PCDHA10: variants seen among roughly 807,000 people sequenced by gnomAD.
PCDHA10 encodes the protein protocadherin alpha 10, also known as protocadherin alpha-10.
PCDHA10 carries 45 observed loss-of-function variants against 61.2 expected under a neutral mutation model. The ratio of observed to expected loss-of-function variants is 0.74; its 90% CI spans 0.58 to 0.94. The LOEUF (loss-of-function observed/expected upper bound fraction) is 0.94. PCDHA10 is among the 40% of genes least tolerant of loss of function. The pLI, the probability that PCDHA10 is intolerant of heterozygous loss-of-function variation, is 0.00. For synonymous variants in PCDHA10, 602 were observed against 548.8 expected (o/e 1.10, Z -1.35); for missense variants, 1,278 against 1,236.2 (o/e 1.03, Z -0.51).
intron 1 of PCDHA10, among the ~76,000 whole-genome samples, chr5:140,881,030 A>G (rs959156727): frequency 6.6e-6 from 1 of 152,234 alleles, no homozygotes; most frequent in Non-Finnish European, 1.5e-5. Flanking sequence ...CCCAACAGTC[A>G]TTTCCTATAG....
chr5:140,923,033 A>T (rs6895136), intron 1 of PCDHA10, among the ~76,000 whole-genome samples: 8,640 of 152,308 alleles, frequency 0.057, 727 homozygotes, highest in African/African-American at 0.19. Flanking sequence ...CTCTATTACT[A>T]CATGTATAGT....
At chr5:140,896,811 T>G (rs2065758053) in intron 1 of PCDHA10, among the ~76,000 whole-genome samples, 1 of 152,266 alleles carries the variant, frequency 6.6e-6, no homozygotes, top group African/African-American at 2.4e-5. Flanking sequence ...GGTTGTCTGT[T>G]TACTCTGTTC....
At chr5:140,999,592 C>T (rs1443096475) in intron 3 of PCDHA10, among the ~76,000 whole-genome samples, 2 of 152,114 alleles carry the variant, frequency 1.3e-5, no homozygotes, top group Non-Finnish European at 2.9e-5. Flanking sequence ...ATTGCCTTCC[C>T]TACATCCTGG....
chr5:140,955,951 T>C (rs529805581), intron 1 of PCDHA10, among the ~76,000 whole-genome samples: 12 of 152,248 alleles, frequency 7.9e-5, no homozygotes, highest in South Asian at 2.1e-4. Context: ...GTCTACTTGC[T>C]TGTTGTTTGT....
At chr5:140,907,197 A>G (rs2073229380) in intron 1 of PCDHA10, among the ~76,000 whole-genome samples, 1 of 152,166 alleles carries the variant, frequency 6.6e-6, no homozygotes, top group Non-Finnish European at 1.5e-5. Context: ...AACCTTCTGG[A>G]GAATTTTGCC....
intron 1 of PCDHA10, among the ~76,000 whole-genome samples, chr5:140,976,227 T>C (rs2096706900): frequency 6.6e-6 from 1 of 152,050 alleles, no homozygotes; most frequent in East Asian, 1.9e-4. Context: ...AGAAGAAAAA[T>C]ATATGTCATT....
At chr5:140,996,755 C>T (rs1335663800) in intron 3 of PCDHA10, among the ~76,000 whole-genome samples, 2 of 152,142 alleles carry the variant, frequency 1.3e-5, no homozygotes, top group Non-Finnish European at 2.9e-5. Context: ...TATATCTGTG[C>T]AGGACTAAAA....
intron 1 of PCDHA10, among the ~76,000 whole-genome samples, chr5:140,897,000 T>C (rs2065833068): frequency 6.6e-6 from 1 of 152,180 alleles, no homozygotes; most frequent in Non-Finnish European, 1.5e-5. Context: ...CTTTTAGTTA[T>C]TTTTAAATAT....
chr5:140,928,161 C>T (rs155820), intron 1 of PCDHA10: 1 of 1,613,960 alleles, frequency 6.2e-7, no homozygotes, highest in South Asian at 1.1e-5. Context: ...GTGGCTCACC[C>T]CCACTTAGCA....
At chr5:140,944,354 A>G (rs2093646021) in intron 1 of PCDHA10, among the ~76,000 whole-genome samples, 1 of 151,968 alleles carries the variant, frequency 6.6e-6, no homozygotes, top group South Asian at 2.1e-4. Flanking sequence ...CACCTGGCTA[A>G]TTTTTAATTT....
chr5:140,962,155 G>A (rs977043867), intron 1 of PCDHA10, among the ~76,000 whole-genome samples: 8 of 152,060 alleles, frequency 5.3e-5, no homozygotes, highest in South Asian at 2.1e-4. Flanking sequence ...GATTACAGGC[G>A]TGAGCCACCA....
rs35680913 is a variant in PCDHA10 at position 140,961,887 on chromosome 5, GT to G, written c.2389-17048del. Among the ~76,000 whole-genome samples, 881 of 143,912 alleles carry G rather than the reference GT, an allele frequency of 6.1e-3. 6 individuals carry two copies. The highest frequency in any genetic ancestry group is 0.018 in the African/African-American group (705 of 39,388). The allele number at this position is 143,912 out of a possible 152,430, so 94.4% of individuals were successfully genotyped here. ...ACAGATAATTGACTTACTTACATCA[GT>G]TTTTTTTTTTTTTGAGATGGAGTCT... On this transcript the variant is annotated intron_variant, in intron 1 of 3. Coordinates refer to ENST00000307360, the MANE Select transcript of PCDHA10 (RefSeq NM_018901.4).
At chr5:140,859,744 T>C (rs1554152696) in intron 1 of PCDHA10, 2 of 154,298 alleles carry the variant, frequency 1.3e-5, no homozygotes, top group African/African-American at 2.4e-5. Context: ...AAGCATGGCA[T>C]TCTTTCAGTG....
At chr5:140,872,266 T>C (rs1267974541) in intron 1 of PCDHA10, among the ~76,000 whole-genome samples, 2 of 152,208 alleles carry the variant, frequency 1.3e-5, no homozygotes, top group Non-Finnish European at 2.9e-5. Context: ...GTTTTCATAT[T>C]GTTTGAAGAA....
intron 1 of PCDHA10, chr5:140,860,707 T>G (rs914346962): frequency 6.6e-6 from 1 of 152,220 alleles, no homozygotes; most frequent in Non-Finnish European, 1.5e-5. Context: ...ATTGTTGTTC[T>G]CCATGAAAAG....
In PCDHA10 at chr5:140,857,647, G is replaced by T; in HGVS notation, c.1599G>T (p.Gln533His). 6.3e-7 allele frequency: 1 copy of T among 1,596,858 alleles called. No homozygotes were observed. The highest frequency in any genetic ancestry group is 8.6e-7 in the Non-Finnish European group (1 of 1,167,786). ...AGGAGCTGGAGCTGCTACAGTTCCA[G>T]GTGAGCGCGCGCGATGGGGGCGTGC... The part of the protein sequence containing the change: ...DHEELELLQF[Q>H]VSARDGGVPP... The change falls in exon 1 of 4, where the codon CAG (glutamine) becomes CAT (histidine). Residue 533 changes from glutamine to histidine, a missense_variant. Physicochemically the swap from Gln to His is conservative, Grantham distance 24. Transcript: ENST00000307360.
At chr5:140,906,017 C>G (rs1172988114) in intron 1 of PCDHA10, among the ~76,000 whole-genome samples, 2 of 152,188 alleles carry the variant, frequency 1.3e-5, no homozygotes, top group African/African-American at 2.4e-5. Flanking sequence ...AGTCTAATCT[C>G]TCCACGTTCT....
At chr5:140,880,764 G>T (rs1438457004) in intron 1 of PCDHA10, among the ~76,000 whole-genome samples, 1 of 152,198 alleles carries the variant, frequency 6.6e-6, no homozygotes, top group Non-Finnish European at 1.5e-5. Context: ...GCGTGTTGGA[G>T]GCTAAAAAGA....
At chr5:140,873,086 C>G (rs984385666) in intron 1 of PCDHA10, among the ~76,000 whole-genome samples, 1 of 152,122 alleles carries the variant, frequency 6.6e-6, no homozygotes, top group Non-Finnish European at 1.5e-5. Context: ...ATTTCCCCCC[C>G]GTATAGAGGC....
Sources: gnomAD v4.1 joint callset for allele counts (sites outside exome capture counted in the v4.1 genomes callset) on GRCh38, gnomAD v4.1.1 for gene constraint, MANE v1.5 for transcripts, NCBI Gene and HGNC (gene_info 2026-07-23, HGNC 2026-07-21) for gene names.